Variants in GRB10 observed in about 807,000 individuals in gnomAD.
GRB10 encodes the protein growth factor receptor bound protein 10.
GRB10 carries 20 observed loss-of-function variants against 80.9 expected under a neutral mutation model. The observed-to-expected ratio is 0.25, with a 90% CI of 0.17 to 0.36. The LOEUF is 0.36. Ranked by LOEUF, GRB10 falls within the 10% of genes least tolerant of loss-of-function variation. The probability of loss-of-function intolerance (pLI) is 1.00; values close to 1 mark genes in which losing one functional copy is unlikely to be tolerated. For synonymous variants in GRB10, 291 were observed against 291.5 expected (o/e 1.00, Z 0.02); for missense variants, 548 against 747.7 (o/e 0.73, Z 3.12).
chr7:50,767,266 C>CG (rs2076445283), intron 2 of GRB10, among the ~76,000 whole-genome samples: 2 of 152,154 alleles, frequency 1.3e-5, no homozygotes, highest in Admixed American at 1.3e-4. Flanking sequence ...ACCAGACTGC[C>CG]GGCCCCTCTG....
At chr7:50,712,206 T>C (rs6593115) in intron 4 of GRB10, among the ~76,000 whole-genome samples, 144,595 of 152,336 alleles carry the variant, frequency 0.95, 68,735 homozygotes, top group East Asian at 1. Context: ...GGAAATAACC[T>C]TCATAATAAA....
intron 3 of GRB10, 74 bp from the exon 4 acceptor site, chr7:50,732,442 G>T: frequency 1.1e-6 from 1 of 894,088 alleles, no homozygotes; most frequent in Non-Finnish European, 1.8e-6. Flanking sequence ...GCTGGTTCAA[G>T]TGTGACATGT....
chr7:50,602,548 C>A (rs1405992134), intron 17 of GRB10, among the ~76,000 whole-genome samples: 1 of 152,148 alleles, frequency 6.6e-6, no homozygotes, highest in African/African-American at 2.4e-5. Flanking sequence ...TAGCAAATGA[C>A]CCACTTCTTT....
intron 4 of GRB10, among the ~76,000 whole-genome samples, chr7:50,712,339 T>C (rs1464945399): frequency 6.6e-6 from 1 of 152,158 alleles, no homozygotes; most frequent in Non-Finnish European, 1.5e-5. Flanking sequence ...AACTGATCCT[T>C]AAACAAAAAC....
chr7:50,762,187 A>G (rs1173068583), intron 2 of GRB10, among the ~76,000 whole-genome samples: 2 of 151,920 alleles, frequency 1.3e-5, no homozygotes, highest in Non-Finnish European at 2.9e-5. Context: ...TAAGATTGCG[A>G]TCCCAGAGCA....
At chr7:50,666,577 C>T (rs2059825066) in intron 7 of GRB10, among the ~76,000 whole-genome samples, 3 of 152,264 alleles carry the variant, frequency 2.0e-5, no homozygotes, top group Middle Eastern at 6.8e-3. Context: ...TGCAGTGAGA[C>T]CACTGCCACT....
chr7:50,605,976 G>A lies in GRB10; in HGVS notation c.1272+361C>T, dbSNP rs536468402. The stretch of plus-strand genomic sequence containing the variant: ...CCAGGGAATGAATGCAGCGTTAATA[G>A]TCAACAGTTCCCATGGGTCCCAAGG... On this transcript the variant is annotated intron_variant, in intron 14 of 18. Transcript: ENST00000401949. Among the ~76,000 whole-genome samples, 17 of 152,294 alleles carry A rather than the reference G, an allele frequency of 1.1e-4. No individual in the cohort carries two copies. The South Asian group carries it at 3.5e-3, about 32-fold the overall frequency.
chr7:50,647,389 T>C (rs1312896455), intron 7 of GRB10, among the ~76,000 whole-genome samples: 6 of 152,194 alleles, frequency 3.9e-5, no homozygotes, highest in African/African-American at 1.2e-4. Context: ...TTGAGTCAGA[T>C]TGGCCGAACC....
At chr7:50,713,056 C>G (rs1044263101) in intron 4 of GRB10, among the ~76,000 whole-genome samples, 3 of 152,186 alleles carry the variant, frequency 2.0e-5, no homozygotes, top group Non-Finnish European at 4.4e-5. Flanking sequence ...ATCTGGTATT[C>G]CCACATCAAT....
intron 8 of GRB10, among the ~76,000 whole-genome samples, chr7:50,620,455 G>A (rs1330619571): frequency 2.2e-5 from 3 of 139,010 alleles, no homozygotes; most frequent in Non-Finnish European, 4.9e-5. Flanking sequence ...AACAACTGTC[G>A]CCATGGGCAC....
At chr7:50,731,307 C>CA (rs71555907) in intron 4 of GRB10, among the ~76,000 whole-genome samples, 8,526 of 114,530 alleles carry the variant, frequency 0.074, 293 homozygotes, top group African/African-American at 0.11. Flanking sequence ...ACTTAGATAC[C>CA]AAAAAAAAAA....
Position 50,614,818 on chromosome 7 carries a change from A to G in GRB10, c.1047T>C (p.Ala349=). The change falls in exon 12 of 19, where the codon GCT becomes GCC. Residue 349 remains alanine, a synonymous_variant. Coordinates refer to ENST00000401949, the MANE Select transcript of GRB10 (RefSeq NM_001350814.2). ...LEDSNIFSLI[A]GRKQYNAPTD... ...TAGGGGCGTTGTACTGCTTCCTGCC[A>G]GCGATCAGGGAGAAGATGTTGCTGT... 1 of 1,614,058 alleles carries G rather than the reference A, an allele frequency of 6.2e-7. No homozygotes were observed.
At chr7:50,734,643 A>G (rs1430784317) in intron 3 of GRB10, among the ~76,000 whole-genome samples, 2 of 152,218 alleles carry the variant, frequency 1.3e-5, no homozygotes, top group Non-Finnish European at 2.9e-5. Context: ...ACTGTCAAAA[A>G]TATCACTTAA....
intron 4 of GRB10, among the ~76,000 whole-genome samples, chr7:50,727,487 C>T (rs910340571): frequency 1.3e-5 from 2 of 152,156 alleles, no homozygotes; most frequent in Non-Finnish European, 2.9e-5. Context: ...TTACTTAGAA[C>T]ATTTAAAGAA....
chr7:50,612,554 A>T (rs1374551822), intron 13 of GRB10, among the ~76,000 whole-genome samples, 187 bp downstream of exon 13: 1 of 152,218 alleles, frequency 6.6e-6, no homozygotes, highest in Non-Finnish European at 1.5e-5. Context: ...GTTTAATATT[A>T]GGCCCTCTGT....
chr7:50,631,970 T>C (rs2054083800), intron 7 of GRB10, among the ~76,000 whole-genome samples: 1 of 152,126 alleles, frequency 6.6e-6, no homozygotes, highest in East Asian at 1.9e-4. Flanking sequence ...GTGTACCAGG[T>C]GGGCTCCAAG....
chr7:50,755,211 T>A (rs1243280187), intron 3 of GRB10, among the ~76,000 whole-genome samples: 1 of 152,270 alleles, frequency 6.6e-6, no homozygotes, highest in South Asian at 2.1e-4. Context: ...TGGCCTCAGC[T>A]CTCTGCCTGC....
intron 17 of GRB10, among the ~76,000 whole-genome samples, chr7:50,596,390 CA>C (rs1004705376): frequency 6.6e-6 from 1 of 152,146 alleles, no homozygotes. Flanking sequence ...GTGCTCCCGC[CA>C]AAAATGCATA....
intron 7 of GRB10, among the ~76,000 whole-genome samples, chr7:50,659,481 G>A (rs1026750809): frequency 2.0e-5 from 3 of 152,168 alleles, no homozygotes; most frequent in Admixed American, 6.5e-5. Context: ...TGGCTCAAAT[G>A]CAATGCTCAC....
Sources: gnomAD v4.1 joint callset for allele counts (sites outside exome capture counted in the v4.1 genomes callset) on GRCh38, gnomAD v4.1.1 for gene constraint, MANE v1.5 for transcripts, NCBI Gene and HGNC (gene_info 2026-07-23, HGNC 2026-07-21) for gene names.